WIF1: variants seen among roughly 807,000 people sequenced by gnomAD.
The protein encoded by WIF1 is Wnt inhibitory factor 1.
A neutral mutation model predicts 53.5 loss-of-function variants in WIF1; 35 were observed. That is an observed-to-expected ratio of 0.65 (90% CI 0.50 to 0.87). The LOEUF (loss-of-function observed/expected upper bound fraction) is 0.87, where lower values mean the gene tolerates loss of function less well. Ranked by LOEUF, WIF1 falls within the 40% of genes least tolerant of loss-of-function variation. The pLI, the probability that WIF1 is intolerant of heterozygous loss-of-function variation, is 0.00. For missense variants in WIF1, 467 were observed against 476.8 expected (o/e 0.98, Z 0.19); for synonymous variants, 171 against 170.4 (o/e 1.00, Z -0.03).
At chr12:65,086,114 A>G (rs969374964) in intron 2 of WIF1, among the ~76,000 whole-genome samples, 3 of 151,932 alleles carry the variant, frequency 2.0e-5, no homozygotes, top group Non-Finnish European at 4.4e-5. Context: ...AAGCATTGGG[A>G]AATGGAAAAC....
At chr12:65,066,760 T>G in intron 5 of WIF1, 24 bp from the exon 6 acceptor site, 1 of 1,553,350 alleles carries the variant, frequency 6.4e-7, no homozygotes, top group Non-Finnish European at 8.7e-7. Flanking sequence ...AGAACCCTGA[T>G]TAAGGCCAAA....
intron 2 of WIF1, among the ~76,000 whole-genome samples, chr12:65,107,017 T>C (rs772156762): frequency 2.6e-5 from 4 of 152,188 alleles, no homozygotes; most frequent in Non-Finnish European, 4.4e-5. Flanking sequence ...GGAAACTTTA[T>C]TTTCCAACCT....
chr12:65,112,485 T>C (rs1883448917), intron 2 of WIF1, among the ~76,000 whole-genome samples: 2 of 148,346 alleles, frequency 1.3e-5, no homozygotes, highest in Admixed American at 1.3e-4. Context: ...TTGCAACTCT[T>C]TTGAAAGTTT....
At chr12:65,066,480 T>C (rs1336342064) in intron 6 of WIF1, among the ~76,000 whole-genome samples, 161 bp downstream of exon 6, 1 of 152,178 alleles carries the variant, frequency 6.6e-6, no homozygotes, top group Non-Finnish European at 1.5e-5. Context: ...TTTGCTATTA[T>C]GCTACACTAA....
intron 2 of WIF1, among the ~76,000 whole-genome samples, chr12:65,085,566 G>A (rs1883025816): frequency 6.6e-6 from 1 of 152,154 alleles, no homozygotes; most frequent in South Asian, 2.1e-4. Context: ...GTTTCAAAAG[G>A]AAAAGGGAAA....
chr12:65,117,932 C>T (rs1883537491), intron 2 of WIF1, among the ~76,000 whole-genome samples: 1 of 152,220 alleles, frequency 6.6e-6, no homozygotes, highest in Non-Finnish European at 1.5e-5. Context: ...CCACTCACCT[C>T]CTGCTGTGCT....
At chr12:65,118,938 C>T (rs1354494329) in intron 2 of WIF1, among the ~76,000 whole-genome samples, 2 of 151,988 alleles carry the variant, frequency 1.3e-5, no homozygotes, top group Non-Finnish European at 2.9e-5. Flanking sequence ...TACAGTTAAC[C>T]AGTTACCAAA....
chr12:65,116,508 A>G (rs763036957), intron 2 of WIF1, among the ~76,000 whole-genome samples: 4 of 152,032 alleles, frequency 2.6e-5, no homozygotes, highest in Non-Finnish European at 5.9e-5. Flanking sequence ...CAGGGCTCCC[A>G]CTGATTCCAC....
chr12:65,115,174 T>TAAAAAAAAAAAAAAAAA (rs35429732), intron 2 of WIF1, among the ~76,000 whole-genome samples: 1 of 106,760 alleles, frequency 9.4e-6, no homozygotes, highest in Non-Finnish European at 1.9e-5. Flanking sequence ...TTGTCATTGC[T>TAAAAAAAAAAAAAAAAA]AAAAAAAAAA....
chr12:65,074,834 A>AAG (rs1555186498), intron 3 of WIF1, among the ~76,000 whole-genome samples: 4 of 142,570 alleles, frequency 2.8e-5, no homozygotes, highest in East Asian at 1.9e-4. Context: ...AAAAAAAAAA[A>AAG]AAAAGAAAAG....
At chr12:65,109,406 G>C (rs1247451225) in intron 2 of WIF1, among the ~76,000 whole-genome samples, 1 of 152,206 alleles carries the variant, frequency 6.6e-6, no homozygotes, top group Non-Finnish European at 1.5e-5. Context: ...TCTGGACAGA[G>C]GCAGCTCTGT....
At position 65,077,747 on chromosome 12, in the gene WIF1, T is replaced by C; in HGVS notation, c.396A>G (p.Ser132=). The change falls in exon 3 of 10, where the codon TCA becomes TCG. Residue 132 remains serine (S), a splice_region_variant and synonymous_variant. Transcript: ENST00000286574. The part of the protein sequence containing the change: ...PLLGTVPHKA[S]VVQVGFPCLG... The stretch of plus-strand genomic sequence containing the variant: ...TTTCTTCAGGCAAAGACCACCCACC[T>C]GATGCCTTGTGAGGCACTGTTCCCA... 1.2e-6 allele frequency: 2 copies of C among 1,610,712 alleles called. No homozygotes were observed. The highest frequency in any genetic ancestry group is 1.7e-5 in the Admixed American group (1 of 59,922).
At chr12:65,084,521 C>T (rs543676848) in intron 2 of WIF1, among the ~76,000 whole-genome samples, 1 of 152,284 alleles carries the variant, frequency 6.6e-6, no homozygotes, top group East Asian at 1.9e-4. Context: ...ACCAGCTTGG[C>T]CCTTAAACAT....
rs564453226 is a variant in WIF1 at position 65,115,969 on chromosome 12, A to G, written c.288+4448T>C. ...TAGTGTAAAAATGATACCAGATAAT[A>G]AAGTATTTATAATACAAAACATCAT... On this transcript the variant is annotated intron_variant, in intron 2 of 9. Transcript: ENST00000286574. Among the ~76,000 whole-genome samples, 6 of 152,336 alleles carry G rather than the reference A, an allele frequency of 3.9e-5. No individual in the cohort carries two copies. In the South Asian group the frequency reaches 1.2e-3, roughly 32 times the overall value.
intron 2 of WIF1, among the ~76,000 whole-genome samples, chr12:65,117,905 C>T (rs1883537115): frequency 6.6e-6 from 1 of 152,204 alleles, no homozygotes; most frequent in Non-Finnish European, 1.5e-5. Flanking sequence ...GCAGACAAAG[C>T]TTCAGTCACT....
intron 6 of WIF1, among the ~76,000 whole-genome samples, chr12:65,064,909 A>T (rs1452529708): frequency 6.6e-6 from 1 of 152,156 alleles, no homozygotes; most frequent in Non-Finnish European, 1.5e-5. Context: ...TCTTCAACTA[A>T]ATCTGGAGGA....
At chr12:65,065,253 G>C (rs1882670647) in intron 6 of WIF1, among the ~76,000 whole-genome samples, 1 of 152,112 alleles carries the variant, frequency 6.6e-6, no homozygotes, top group Non-Finnish European at 1.5e-5. Context: ...CAAGTCTAGA[G>C]ATAGAAAAAG....
intron 2 of WIF1, among the ~76,000 whole-genome samples, chr12:65,090,777 T>C (rs902685081): frequency 6.6e-6 from 1 of 152,154 alleles, no homozygotes; most frequent in African/African-American, 2.4e-5. Context: ...GTAAAGTAGG[T>C]GAAAATGTTG....
rs141486928 is a variant in WIF1, at chr12:65,063,150, C to G, written c.731-574G>C. Reference sequence around the variant, plus strand: ...AAAGACTGTGGGCCCAGGTGAGATCCCATAGGTAGGAGTGTGGCCACAGCA... The same window carrying G: ...AAAGACTGTGGGCCCAGGTGAGATCGCATAGGTAGGAGTGTGGCCACAGCA... On this transcript the variant is annotated intron_variant, in intron 6 of 9. Coordinates refer to ENST00000286574, the MANE Select transcript of WIF1 (RefSeq NM_007191.5). 4.2e-3 allele frequency among the ~76,000 whole-genome samples: 642 copies of G among 152,098 alleles called. 3 individuals are homozygous for G. Among genetic ancestry groups the G allele is most frequent in the Middle Eastern group, 0.02 (6 of 294 alleles).
Sources: gnomAD v4.1 joint callset for allele counts (sites outside exome capture counted in the v4.1 genomes callset) on GRCh38, gnomAD v4.1.1 for gene constraint, MANE v1.5 for transcripts, NCBI Gene and HGNC (gene_info 2026-07-23, HGNC 2026-07-21) for gene names.